Variants in KCNIP4 observed in about 807,000 individuals in gnomAD.
The protein encoded by KCNIP4 is potassium voltage-gated channel interacting protein 4.
In KCNIP4, 12 loss-of-function variants were observed where a neutral mutation model predicts 34.0. The observed-to-expected ratio is 0.35, with a 90% CI of 0.23 to 0.57. KCNIP4 has a LOEUF of 0.57. KCNIP4 is among the 20% of genes least tolerant of loss of function. The probability of loss-of-function intolerance (pLI) is 0.83; values close to 1 mark genes in which losing one functional copy is unlikely to be tolerated. For missense variants in KCNIP4, 238 were observed against 311.7 expected (o/e 0.76, Z 1.78); for synonymous variants, 124 against 102.2 (o/e 1.21, Z -1.29).
chr4:21,931,457 C>T (rs1729560572), intron 1 of KCNIP4, among the ~76,000 whole-genome samples: 1 of 135,082 alleles, frequency 7.4e-6, no homozygotes, highest in Non-Finnish European at 1.5e-5. Flanking sequence ...TGTGATGTTC[C>T]CCTTCCTGTG....
intron 1 of KCNIP4, among the ~76,000 whole-genome samples, chr4:21,090,384 C>T (rs1746890053): frequency 6.6e-6 from 1 of 152,126 alleles, no homozygotes; most frequent in South Asian, 2.1e-4. Context: ...ATTCAATGCA[C>T]AGCCCTGAGA....
At chr4:21,384,549 A>T (rs764598124) in intron 1 of KCNIP4, among the ~76,000 whole-genome samples, 6 of 152,212 alleles carry the variant, frequency 3.9e-5, no homozygotes, top group Non-Finnish European at 8.8e-5. Context: ...GGCAGCATTA[A>T]AACTACCTCC....
At chr4:21,122,278 T>C (rs1457755161) in intron 1 of KCNIP4, among the ~76,000 whole-genome samples, 3 of 151,730 alleles carry the variant, frequency 2.0e-5, no homozygotes, top group Non-Finnish European at 4.4e-5. Context: ...ACCAAAACAA[T>C]GTAGCCTAAA....
chr4:21,325,356 A>G (rs1389989430), intron 1 of KCNIP4, among the ~76,000 whole-genome samples: 1 of 151,374 alleles, frequency 6.6e-6, no homozygotes, highest in Non-Finnish European at 1.5e-5. Context: ...GAACTTACCT[A>G]CTTATTTTAG....
At chr4:21,307,883 C>T (rs1159852147) in intron 1 of KCNIP4, among the ~76,000 whole-genome samples, 1 of 152,106 alleles carries the variant, frequency 6.6e-6, no homozygotes, top group Non-Finnish European at 1.5e-5. Context: ...TGGTTCCTGC[C>T]CACGTGAACA....
chr4:21,632,075 T>C (rs909798716), intron 1 of KCNIP4, among the ~76,000 whole-genome samples: 1 of 152,192 alleles, frequency 6.6e-6, no homozygotes, highest in African/African-American at 2.4e-5. Flanking sequence ...AATTTTACCT[T>C]TTTTTCCTTT....
At chr4:21,053,036 C>A in intron 1 of KCNIP4, among the ~76,000 whole-genome samples, 1 of 144,990 alleles carries the variant, frequency 6.9e-6, no homozygotes, top group South Asian at 2.1e-4. Context: ...TACACACACA[C>A]ACATATATAT....
intron 1 of KCNIP4, among the ~76,000 whole-genome samples, chr4:21,356,508 C>A (rs1333530064): frequency 2.0e-5 from 3 of 152,166 alleles, no homozygotes; most frequent in African/African-American, 7.2e-5. Flanking sequence ...CACAGGCATT[C>A]TTATACATCA....
At chr4:20,878,097 C>T (rs889556042) in intron 2 of KCNIP4, among the ~76,000 whole-genome samples, 3 of 152,068 alleles carry the variant, frequency 2.0e-5, no homozygotes, top group Non-Finnish European at 2.9e-5. Flanking sequence ...ATGAAGACAG[C>T]AGGCTATGGA....
intron 1 of KCNIP4, among the ~76,000 whole-genome samples, chr4:21,541,696 G>C (rs1039986966): frequency 8.6e-5 from 13 of 152,026 alleles, no homozygotes; most frequent in Non-Finnish European, 2.9e-5. Context: ...ACACTGGAGT[G>C]CAGTGGCATA....
intron 1 of KCNIP4, among the ~76,000 whole-genome samples, chr4:21,885,682 C>T (rs143077802): frequency 9.9e-5 from 15 of 152,176 alleles, no homozygotes; most frequent in South Asian, 2.1e-4. Context: ...GAAATTTGAA[C>T]GTGTTTTGCT....
chr4:20,767,437 A>G (rs1181558782), intron 3 of KCNIP4: 1 of 152,212 alleles, frequency 6.6e-6, no homozygotes, highest in Non-Finnish European at 1.5e-5. Flanking sequence ...GTTTGAAATC[A>G]TCATGGAAAG....
At chr4:21,562,365 C>T (rs1382894466) in intron 1 of KCNIP4, among the ~76,000 whole-genome samples, 2 of 151,858 alleles carry the variant, frequency 1.3e-5, no homozygotes, top group African/African-American at 4.8e-5. Flanking sequence ...GTGGATGTGC[C>T]ATTGACCACT....
chr4:21,126,138 T>G (rs754752942), intron 1 of KCNIP4, among the ~76,000 whole-genome samples: 1 of 152,050 alleles, frequency 6.6e-6, no homozygotes, highest in Non-Finnish European at 1.5e-5. Flanking sequence ...TTCCATGACC[T>G]TTTACCAAGT....
chr4:21,909,457 C>T (rs1463050545), intron 1 of KCNIP4, among the ~76,000 whole-genome samples: 3 of 152,094 alleles, frequency 2.0e-5, no homozygotes, highest in Non-Finnish European at 2.9e-5. Context: ...TTAAGCCTAA[C>T]CTACCCATAC....
chr4:21,178,468 G>GCCT (rs1754597244), intron 1 of KCNIP4, among the ~76,000 whole-genome samples: 1,958 of 150,778 alleles, frequency 0.013, 69 homozygotes, highest in African/African-American at 0.045. Flanking sequence ...GAAGGTAGTG[G>GCCT]ATTCACAGAC....
chr4:21,780,540 T>C (rs1406293554), intron 1 of KCNIP4, among the ~76,000 whole-genome samples: 1 of 152,078 alleles, frequency 6.6e-6, no homozygotes, highest in Non-Finnish European at 1.5e-5. Context: ...AAGGGTACCA[T>C]GCTAAACATA....
intron 1 of KCNIP4, among the ~76,000 whole-genome samples, chr4:21,739,390 T>A (rs1241728499): frequency 1.3e-5 from 2 of 152,184 alleles, no homozygotes; most frequent in East Asian, 3.9e-4. Flanking sequence ...ATCTTCAGGA[T>A]TTGAAAATTG....
intron 1 of KCNIP4, among the ~76,000 whole-genome samples, chr4:21,025,344 G>T (rs1740426405): frequency 6.6e-6 from 1 of 151,904 alleles, no homozygotes; most frequent in Non-Finnish European, 1.5e-5. Context: ...GTGTAAGGAT[G>T]GGCCAATTGT....
Sources: gnomAD v4.1 joint callset for allele counts (sites outside exome capture counted in the v4.1 genomes callset) on GRCh38, gnomAD v4.1.1 for gene constraint, MANE v1.5 for transcripts, NCBI Gene and HGNC (gene_info 2026-07-23, HGNC 2026-07-21) for gene names.